The following PARL variants were observed in gnomAD, a reference collection of about 807,000 sequenced individuals.
PARL encodes the protein presenilin-associated rhomboid-like protein, mitochondrial.
In PARL, 44 loss-of-function variants were observed where a neutral mutation model predicts 51.6. The ratio of observed to expected loss-of-function variants is 0.85; its 90% CI spans 0.67 to 1.10. PARL has a LOEUF of 1.10. PARL is among the 50% of genes least tolerant of loss of function. The pLI is 0.00. For synonymous variants in PARL, 172 were observed against 164.0 expected (o/e 1.05, Z -0.37); for missense variants, 441 against 469.5 (o/e 0.94, Z 0.56).
intron 1 of PARL, among the ~76,000 whole-genome samples, chr3:183,879,982 C>T (rs188563128): frequency 2.6e-4 from 39 of 151,508 alleles, no homozygotes; most frequent in East Asian, 1.2e-3. Flanking sequence ...CTGCCTGCCT[C>T]GGCCTCCCAA....
In PARL at chr3:183,856,614, A is replaced by C. The variant is rs1298218332; in HGVS notation, c.511+6139T>G. 2.6e-5 allele frequency: 4 copies of C among 152,284 alleles called. No individual in the cohort carries two copies. In the East Asian group the frequency reaches 7.7e-4, roughly 29 times the overall value. The allele number at this position is 152,284 out of a possible 1,614,324, so 9.4% of individuals were successfully genotyped here. Reference sequence around the variant, plus strand: ...TCCATCCTCCCACTGGGATAGAGACAGAAAGTTTGAAACTAATACGGGTAA... The same window carrying C: ...TCCATCCTCCCACTGGGATAGAGACCGAAAGTTTGAAACTAATACGGGTAA... On this transcript the variant is annotated intron_variant, in intron 4 of 9. Coordinates refer to ENST00000317096, the MANE Select transcript of PARL (RefSeq NM_018622.7).
At chr3:183,837,609 C>T (rs982716419) in intron 7 of PARL, among the ~76,000 whole-genome samples, 5 of 152,176 alleles carry the variant, frequency 3.3e-5, no homozygotes, top group African/African-American at 4.8e-5. Flanking sequence ...GAGGCAAAGG[C>T]GGCTGAGTGA....
At position 183,843,492 on chromosome 3, in the gene PARL, G is replaced by A. The variant is rs1259836575; in HGVS notation, c.607+739C>T. Among the ~76,000 whole-genome samples the A allele has an allele frequency of 2.6e-5, 4 of 152,012 alleles. No homozygotes were observed. The East Asian group carries it at 7.7e-4, about 29-fold the overall frequency. The stretch of plus-strand genomic sequence containing the variant: ...ATCGTATCACTGCACTCTAGCCTGG[G>A]CAACAGAGCAAGACCCTGTCTCAAA... On this transcript the variant is annotated intron_variant, in intron 5 of 9. Transcript: ENST00000317096.
At chr3:183,874,386 C>G (rs1733553891) in intron 1 of PARL, among the ~76,000 whole-genome samples, 3 of 150,968 alleles carry the variant, frequency 2.0e-5, no homozygotes, top group African/African-American at 7.3e-5. Flanking sequence ...TCACATGTCT[C>G]TGGCTTGAAA....
chr3:183,867,472 G>A (rs113382718), intron 2 of PARL, among the ~76,000 whole-genome samples: 63,996 of 151,750 alleles, frequency 0.42, 13,949 homozygotes, highest in Middle Eastern at 0.55. Flanking sequence ...AGGCCAAGGC[G>A]GGCGGATCAT....
At chr3:183,827,581 TAAG>T (rs1727516917), downstream of PARL, among the ~76,000 whole-genome samples, 1 of 152,064 alleles carries the variant, frequency 6.6e-6, no homozygotes, top group Non-Finnish European at 1.5e-5. Context: ...GTCCAGGGAC[TAAG>T]AAGTGAGGAC....
intron 1 of PARL, among the ~76,000 whole-genome samples, chr3:183,868,600 G>T (rs1577370160): frequency 6.6e-6 from 1 of 152,052 alleles, no homozygotes; most frequent in East Asian, 1.9e-4. Context: ...GTAGAGATGG[G>T]GTTCTGCCAT....
At chr3:183,834,072 T>C in intron 7 of PARL, among the ~76,000 whole-genome samples, 1 of 152,232 alleles carries the variant, frequency 6.6e-6, no homozygotes. Context: ...ATGTGCCTCA[T>C]GAACCGCAAG....
At chr3:183,864,563 T>G (rs1732221274) in intron 3 of PARL, among the ~76,000 whole-genome samples, 1 of 151,934 alleles carries the variant, frequency 6.6e-6, no homozygotes, top group Non-Finnish European at 1.5e-5. Context: ...GATCACGAGG[T>G]CAGGAGATCG....
intron 4 of PARL, among the ~76,000 whole-genome samples, chr3:183,846,291 C>T (rs1180810441): frequency 3.3e-5 from 5 of 152,120 alleles, no homozygotes; most frequent in Admixed American, 6.5e-5. Flanking sequence ...GTCGGGAGTT[C>T]GAGACCAGCC....
intron 1 of PARL, 39 bp from the exon 2 acceptor site, chr3:183,868,099 T>C (rs1732752814): frequency 2.1e-6 from 3 of 1,449,888 alleles, no homozygotes; most frequent in Non-Finnish European, 2.9e-6. Flanking sequence ...CACAGTAGCG[T>C]CTTGCAAATA....
chr3:183,855,970 A>G (rs531410173), intron 4 of PARL, among the ~76,000 whole-genome samples: 1 of 145,170 alleles, frequency 6.9e-6, no homozygotes, highest in East Asian at 2.0e-4. Flanking sequence ...AAATAAACAA[A>G]CAAAAAAAAA....
At chr3:183,864,751 G>C (rs1732253441) in intron 3 of PARL, among the ~76,000 whole-genome samples, 1 of 151,234 alleles carries the variant, frequency 6.6e-6, no homozygotes, top group African/African-American at 2.4e-5. Flanking sequence ...ACTCCAGCCT[G>C]GGCAACAAGT....
At chr3:183,864,262 C>T (rs930700105) in intron 3 of PARL, among the ~76,000 whole-genome samples, 1 of 152,102 alleles carries the variant, frequency 6.6e-6, no homozygotes, top group Non-Finnish European at 1.5e-5. Context: ...AAACTCAAAA[C>T]ATCATTAGCA....
At chr3:183,881,135 T>G (rs1405913744) in intron 1 of PARL, among the ~76,000 whole-genome samples, 2 of 151,286 alleles carry the variant, frequency 1.3e-5, no homozygotes, top group African/African-American at 4.9e-5. Flanking sequence ...TTTTTTTTTT[T>G]TTTCAGATGA....
At chr3:183,832,613 T>C (rs144428595) in intron 9 of PARL, among the ~76,000 whole-genome samples, 438 of 152,272 alleles carry the variant, frequency 2.9e-3, no homozygotes, top group African/African-American at 9.9e-3. Flanking sequence ...GCAACATTTA[T>C]GTAAGAAAAG....
intron 5 of PARL, chr3:183,843,294 CA>C: frequency 1.0e-6 from 1 of 985,244 alleles, no homozygotes; most frequent in Non-Finnish European, 1.2e-6. Flanking sequence ...GTCCTTATGG[CA>C]AAAGTTGATT....
At chr3:183,845,773 C>T (rs953805584) in intron 4 of PARL, among the ~76,000 whole-genome samples, 10 of 152,118 alleles carry the variant, frequency 6.6e-5, no homozygotes, top group African/African-American at 1.9e-4. Context: ...AGCAGTGATT[C>T]GTGTTGCTCT....
intron 4 of PARL, among the ~76,000 whole-genome samples, chr3:183,851,098 A>T (rs1309733555): frequency 6.6e-6 from 1 of 152,156 alleles, no homozygotes; most frequent in Non-Finnish European, 1.5e-5. Flanking sequence ...GGATAGCCAT[A>T]AGCACAGAAT....
Sources: allele counts gnomAD v4.1 joint callset (sites outside exome capture counted in the v4.1 genomes callset), GRCh38; gene constraint gnomAD v4.1.1; transcripts MANE v1.5; gene names NCBI Gene and HGNC (gene_info 2026-07-23, HGNC 2026-07-21).